The following NRG1 variants were observed in gnomAD, a reference collection of about 807,000 sequenced individuals.
NRG1 encodes pro-neuregulin-1, membrane-bound isoform.
In NRG1, 18 loss-of-function variants were observed where a neutral mutation model predicts 63.8. That is an observed-to-expected ratio of 0.28 (90% CI 0.19 to 0.42). The LOEUF is 0.42. Among genes scored for constraint, NRG1 ranks in the 10% least tolerant of loss-of-function variants. NRG1 has a pLI of 1.00. For synonymous variants in NRG1, 302 were observed against 301.3 expected (o/e 1.00, Z -0.02); for missense variants, 762 against 814.7 (o/e 0.94, Z 0.79).
At chr8:32,014,829 T>C (rs1305543448) in intron 1 of NRG1, among the ~76,000 whole-genome samples, 1 of 151,472 alleles carries the variant, frequency 6.6e-6, no homozygotes, top group Non-Finnish European at 1.5e-5. Flanking sequence ...TTAGGATATA[T>C]CCTAATACCA....
At chr8:32,352,613 G>A (rs992794064) in intron 1 of NRG1, among the ~76,000 whole-genome samples, 2 of 152,068 alleles carry the variant, frequency 1.3e-5, no homozygotes, top group Non-Finnish European at 2.9e-5. Flanking sequence ...AGGTGTAGTG[G>A]TTCACACCTG....
At chr8:32,605,095 G>A (rs902369626) in intron 2 of NRG1, among the ~76,000 whole-genome samples, 17 of 152,100 alleles carry the variant, frequency 1.1e-4, no homozygotes, top group Non-Finnish European at 2.2e-4. Context: ...CTGAGAAGAA[G>A]AGTGCACAGT....
chr8:31,961,243 T>G (rs1177017308), intron 1 of NRG1, among the ~76,000 whole-genome samples: 1 of 152,236 alleles, frequency 6.6e-6, no homozygotes, highest in African/African-American at 2.4e-5. Context: ...CTGTTCCTTT[T>G]TGAAGGGTTC....
chr8:32,275,672 C>T (rs930200142), intron 1 of NRG1, among the ~76,000 whole-genome samples: 4 of 152,102 alleles, frequency 2.6e-5, no homozygotes, highest in African/African-American at 4.8e-5. Flanking sequence ...AGTAACCGTA[C>T]GTCAAATTAT....
At chr8:32,727,858 A>G (rs1438103597) in intron 5 of NRG1, 91 bp from the exon 6 acceptor site, 1 of 1,316,766 alleles carries the variant, frequency 7.6e-7, no homozygotes, top group African/African-American at 1.5e-5. Context: ...CCTTATATGA[A>G]CTCTTCCTTT....
At chr8:32,611,435 G>A (rs1286572282) in intron 3 of NRG1, among the ~76,000 whole-genome samples, 2 of 152,036 alleles carry the variant, frequency 1.3e-5, no homozygotes, top group East Asian at 3.8e-4. Flanking sequence ...TGTAAAATAT[G>A]TTTTATAATT....
intron 5 of NRG1, among the ~76,000 whole-genome samples, chr8:32,632,441 C>T (rs1026550905): frequency 2.0e-5 from 3 of 150,048 alleles, no homozygotes; most frequent in Non-Finnish European, 3.0e-5. Context: ...CCCAGCTACT[C>T]GGGAGGCTGA....
At chr8:31,794,520 C>T (rs954084271) in intron 1 of NRG1, among the ~76,000 whole-genome samples, 5 of 150,898 alleles carry the variant, frequency 3.3e-5, no homozygotes, top group Admixed American at 2.7e-4. Flanking sequence ...TAAAAACACA[C>T]AAATGTTTAG....
intron 1 of NRG1, among the ~76,000 whole-genome samples, chr8:32,550,744 T>C (rs1454372244): frequency 6.6e-6 from 1 of 152,214 alleles, no homozygotes; most frequent in African/African-American, 2.4e-5. Context: ...GCTTCCTTGG[T>C]GGCTCTCATC....
At chr8:32,755,691 T>G (rs1829548338) in intron 8 of NRG1, among the ~76,000 whole-genome samples, 1 of 152,180 alleles carries the variant, frequency 6.6e-6, no homozygotes, top group Non-Finnish European at 1.5e-5. Flanking sequence ...CAGTTCATTT[T>G]CTTAAGAGAC....
At chr8:32,393,607 T>A (rs1193906807) in intron 1 of NRG1, among the ~76,000 whole-genome samples, 1 of 152,198 alleles carries the variant, frequency 6.6e-6, no homozygotes, top group Non-Finnish European at 1.5e-5. Flanking sequence ...CTGGAGGCCA[T>A]TATCCTTAGC....
chr8:32,379,521 T>C (rs1474914358), intron 1 of NRG1, among the ~76,000 whole-genome samples: 1 of 152,186 alleles, frequency 6.6e-6, no homozygotes, highest in Non-Finnish European at 1.5e-5. Context: ...AAAGAATGAA[T>C]GGAAAAATCC....
intron 1 of NRG1, among the ~76,000 whole-genome samples, chr8:31,854,727 C>T (rs927478981): frequency 2.0e-5 from 3 of 151,912 alleles, no homozygotes; most frequent in Admixed American, 1.3e-4. Flanking sequence ...TGGATCTTTC[C>T]TCCTTTCTCT....
chr8:32,626,359 T>TG (rs1272585905), intron 5 of NRG1, among the ~76,000 whole-genome samples: 4 of 121,448 alleles, frequency 3.3e-5, no homozygotes, highest in African/African-American at 1.1e-4. Flanking sequence ...CAAATTAAGT[T>TG]TTTTTTTTTT....
intron 1 of NRG1, among the ~76,000 whole-genome samples, chr8:31,698,857 T>C (rs1810346645): frequency 6.6e-6 from 1 of 152,226 alleles, no homozygotes. Context: ...TATGTTACAG[T>C]ACAACCTTGG....
intron 1 of NRG1, among the ~76,000 whole-genome samples, chr8:32,333,898 G>A (rs1381077328): frequency 6.6e-6 from 1 of 152,054 alleles, no homozygotes; most frequent in Non-Finnish European, 1.5e-5. Flanking sequence ...ACTATGCCTT[G>A]GTGTATGTCA....
intron 1 of NRG1, among the ~76,000 whole-genome samples, chr8:32,314,570 G>A (rs1857172241): frequency 6.6e-6 from 1 of 151,714 alleles, no homozygotes; most frequent in South Asian, 2.1e-4. Flanking sequence ...CTCCTTGCAT[G>A]TGCTTCCCAC....
intron 1 of NRG1, among the ~76,000 whole-genome samples, chr8:32,571,741 A>G (rs770454283): frequency 6.6e-6 from 1 of 152,154 alleles, no homozygotes; most frequent in South Asian, 2.1e-4. Context: ...TACTACCAAT[A>G]GGAGTAAATT....
At chr8:32,669,163 T>C (rs1307282251) in intron 5 of NRG1, among the ~76,000 whole-genome samples, 3 of 152,200 alleles carry the variant, frequency 2.0e-5, no homozygotes, top group African/African-American at 7.2e-5. Context: ...TATCCAGTTC[T>C]CATTCATGAT....
Sources: gnomAD v4.1 joint callset for allele counts (sites outside exome capture counted in the v4.1 genomes callset) on GRCh38, gnomAD v4.1.1 for gene constraint, MANE v1.5 for transcripts, NCBI Gene and HGNC (gene_info 2026-07-23, HGNC 2026-07-21) for gene names.